DACH2: variants seen among roughly 807,000 people sequenced by gnomAD.
DACH2 encodes dachshund homolog 2.
DACH2 carries 17 observed loss-of-function variants against 35.8 expected under a neutral mutation model. That is an observed-to-expected ratio of 0.48 (90% CI 0.33 to 0.71). DACH2 has a LOEUF of 0.71. Ranked by LOEUF, DACH2 falls within the 30% of genes least tolerant of loss-of-function variation. The pLI is 0.02. For synonymous variants in DACH2, 195 were observed against 177.3 expected (o/e 1.10, Z -0.79); for missense variants, 469 against 472.7 (o/e 0.99, Z 0.07).
At chrX:86,278,060 A>G (rs764877055) in intron 1 of DACH2, among the ~76,000 whole-genome samples, 60 of 111,509 alleles carry the variant, frequency 5.4e-4, no homozygotes, top group South Asian at 3.1e-3. Context: ...GCACTTCCCA[A>G]AGCCAAACTT....
intron 3 of DACH2, among the ~76,000 whole-genome samples, chrX:86,633,521 C>A (rs1342255606): frequency 9.0e-6 from 1 of 111,561 alleles, no homozygotes; most frequent in African/African-American, 3.3e-5. Flanking sequence ...CGAATTCTAC[C>A]AGACATGCAT....
At chrX:86,295,265 C>T (rs187038613) in intron 1 of DACH2, among the ~76,000 whole-genome samples, 1,116 of 111,511 alleles carry the variant, frequency 0.01, 5 homozygotes, top group Non-Finnish European at 0.016. Context: ...CAATGCCTCG[C>T]CCTGCTTCGG....
At chrX:86,264,410 A>G (rs2033676958) in intron 1 of DACH2, among the ~76,000 whole-genome samples, 2 of 112,152 alleles carry the variant, frequency 1.8e-5, no homozygotes. Flanking sequence ...AAAGTTTTTA[A>G]GTAGCCTTTT....
intron 2 of DACH2, among the ~76,000 whole-genome samples, chrX:86,400,506 G>A (rs924666875): frequency 1.8e-5 from 2 of 110,971 alleles, no homozygotes; most frequent in East Asian, 5.7e-4. Flanking sequence ...CCATCTTTGT[G>A]GTTTTATCTA....
At chrX:86,673,601 G>A (rs897576519) in intron 4 of DACH2, among the ~76,000 whole-genome samples, 13 of 111,372 alleles carry the variant, frequency 1.2e-4, no homozygotes, top group Non-Finnish European at 2.4e-4. Context: ...GGAATTTTGA[G>A]TTAATGCTGA....
At chrX:86,622,566 C>T (rs1425974476) in intron 3 of DACH2, among the ~76,000 whole-genome samples, 2 of 111,493 alleles carry the variant, frequency 1.8e-5, no homozygotes, top group African/African-American at 3.3e-5. Flanking sequence ...AAAATCCCCT[C>T]AGGTCAGTGG....
chrX:86,551,386 A>G (rs957225568), intron 3 of DACH2, among the ~76,000 whole-genome samples: 1 of 112,014 alleles, frequency 8.9e-6, no homozygotes, highest in Admixed American at 9.5e-5. Context: ...ACTCTGAGTT[A>G]TGTTCACAGC....
At chrX:86,240,798 TTAAG>T (rs1179660964) in intron 1 of DACH2, among the ~76,000 whole-genome samples, 2 of 109,970 alleles carry the variant, frequency 1.8e-5, no homozygotes, top group African/African-American at 3.3e-5. Flanking sequence ...CTCATGATAA[TTAAG>T]TGTGTTCTCA....
chrX:86,436,795 G>T lies in DACH2; in HGVS notation c.527+59933G>T, dbSNP rs748703853. ...ATGCTTTTTATTTTGGAAGGTTATT[G>T]TTTATTGATTCAACTTTAAAAATAG... is the stretch of plus-strand genomic sequence containing the variant. On this transcript the variant is annotated intron_variant, in intron 2 of 11. Transcript: ENST00000373125. Among the ~76,000 whole-genome samples, 3 of 111,518 alleles carry T rather than the reference G, an allele frequency of 2.7e-5. No homozygotes were observed. In the South Asian group the frequency reaches 1.1e-3, roughly 41 times the overall value.
chrX:86,348,123 C>T lies in DACH2; in HGVS notation c.489-28701C>T, dbSNP rs768294366. 3.6e-5 allele frequency among the ~76,000 whole-genome samples: 4 copies of T among 111,457 alleles called. No individual in the cohort carries two copies. In the East Asian group the frequency reaches 1.1e-3, roughly 32 times the overall value. ...ATCAAGCTCATGGCCTCCACCGTGC[C>T]GCATTGTTTACAAGTCACCATCCTA... On this transcript the variant is annotated intron_variant, in intron 1 of 11. Coordinates refer to ENST00000373125, the MANE Select transcript of DACH2 (RefSeq NM_053281.3).
chrX:86,418,520 C>T (rs1409411382), intron 2 of DACH2, among the ~76,000 whole-genome samples: 2 of 112,081 alleles, frequency 1.8e-5, no homozygotes, highest in African/African-American at 3.2e-5. Context: ...TTGAGGCTTG[C>T]ACCCTCTGAA....
chrX:86,597,687 G>A (rs1331858052), intron 3 of DACH2, among the ~76,000 whole-genome samples: 1 of 111,521 alleles, frequency 9.0e-6, no homozygotes, highest in Non-Finnish European at 1.9e-5. Context: ...TTGCTTTACA[G>A]TATTGTTCAA....
intron 1 of DACH2, among the ~76,000 whole-genome samples, chrX:86,325,732 C>T (rs932607055): frequency 2.7e-5 from 3 of 111,285 alleles, no homozygotes; most frequent in South Asian, 3.8e-4. Flanking sequence ...TTAGAAGTGC[C>T]GTTATTGTGG....
chrX:86,321,169 G>T (rs2035008696), intron 1 of DACH2, among the ~76,000 whole-genome samples: 1 of 111,061 alleles, frequency 9.0e-6, no homozygotes, highest in South Asian at 3.8e-4. Flanking sequence ...AATTGAAGAG[G>T]GTCTTAGTGC....
chrX:86,181,279 G>A (rs2031484648), intron 1 of DACH2, among the ~76,000 whole-genome samples: 1 of 109,955 alleles, frequency 9.1e-6, no homozygotes, highest in African/African-American at 3.3e-5. Context: ...GTGGTTTGCT[G>A]CACCCATCAA....
intron 1 of DACH2, among the ~76,000 whole-genome samples, chrX:86,175,468 C>T (rs1356956174): frequency 5.4e-5 from 6 of 111,058 alleles, no homozygotes; most frequent in Non-Finnish European, 1.1e-4. Flanking sequence ...GGATTTGCTG[C>T]AAAGATAGCA....
chrX:86,429,630 G>A (rs1602509457), intron 2 of DACH2, among the ~76,000 whole-genome samples: 1 of 108,125 alleles, frequency 9.2e-6, no homozygotes, highest in African/African-American at 3.4e-5. Flanking sequence ...GTGCGATCTC[G>A]GCTCACTGCA....
chrX:86,542,935 A>G (rs190115499), intron 3 of DACH2, among the ~76,000 whole-genome samples: 1 of 112,357 alleles, frequency 8.9e-6, no homozygotes, highest in African/African-American at 3.2e-5. Flanking sequence ...ACTTTTTGGT[A>G]CTGAGTCCAT....
At chrX:86,813,367 C>A in intron 9 of DACH2, 90 bp downstream of exon 9, 3 of 837,563 alleles carry the variant, frequency 3.6e-6, no homozygotes, top group Non-Finnish European at 4.9e-6. Context: ...ATCTTGGAGG[C>A]TGAGGCGGGA....
Sources: allele counts gnomAD v4.1 joint callset (sites outside exome capture counted in the v4.1 genomes callset), GRCh38; gene constraint gnomAD v4.1.1; transcripts MANE v1.5; gene names NCBI Gene and HGNC (gene_info 2026-07-23, HGNC 2026-07-21).